Variants in REV3L observed in about 807,000 individuals in gnomAD.
REV3L encodes the protein DNA polymerase zeta catalytic subunit.
REV3L carries 69 observed loss-of-function variants against 299.4 expected under a neutral mutation model. The ratio of observed to expected loss-of-function variants is 0.23; its 90% CI spans 0.19 to 0.28. REV3L has a LOEUF of 0.28. REV3L is among the 10% of genes least tolerant of loss of function. The pLI, the probability that REV3L is intolerant of heterozygous loss-of-function variation, is 1.00. For missense variants in REV3L, 3,128 were observed against 3,693.8 expected (o/e 0.85, Z 3.97); for synonymous variants, 1,238 against 1,271.4 (o/e 0.97, Z 0.56).
chr6:111,448,020 G>A (rs1264105535), intron 1 of REV3L, among the ~76,000 whole-genome samples: 1 of 151,928 alleles, frequency 6.6e-6, no homozygotes, highest in African/African-American at 2.4e-5. Context: ...ATGAATCATG[G>A]AACACTATCA....
At chr6:111,471,409 A>G (rs543543007) in intron 1 of REV3L, among the ~76,000 whole-genome samples, 1 of 152,314 alleles carries the variant, frequency 6.6e-6, no homozygotes, top group East Asian at 1.9e-4. Flanking sequence ...AAAATCTCAT[A>G]CCACAATGTG....
chr6:111,300,639 A>C (rs1458759526), intron 31 of REV3L, among the ~76,000 whole-genome samples: 2 of 152,222 alleles, frequency 1.3e-5, no homozygotes, highest in African/African-American at 2.4e-5. Context: ...TCCCCAAATT[A>C]ATACTTTCAT....
At chr6:111,407,227 C>G (rs1783735683) in intron 3 of REV3L, among the ~76,000 whole-genome samples, 2 of 152,074 alleles carry the variant, frequency 1.3e-5, no homozygotes, top group African/African-American at 4.8e-5. Context: ...TGTTTAGAAG[C>G]TCTAGAGAGA....
intron 1 of REV3L, among the ~76,000 whole-genome samples, chr6:111,459,737 G>C (rs79403950): frequency 0.027 from 4,175 of 152,148 alleles, 79 homozygotes; most frequent in Admixed American, 0.066. Flanking sequence ...ATACCAGTCA[G>C]AATAGCTTTT....
At chr6:111,318,582 G>A (rs932325203) in intron 26 of REV3L, among the ~76,000 whole-genome samples, 1 of 151,470 alleles carries the variant, frequency 6.6e-6, no homozygotes, top group Non-Finnish European at 1.5e-5. Flanking sequence ...TTTTTTGTTT[G>A]TTTTTTGAGA....
chr6:111,439,394 G>A (rs1045369598), intron 1 of REV3L, among the ~76,000 whole-genome samples: 1 of 152,184 alleles, frequency 6.6e-6, no homozygotes, highest in Non-Finnish European at 1.5e-5. Context: ...TTGAAGATAA[G>A]GAACTTGGTG....
At chr6:111,408,526 C>T (rs763842651) in intron 3 of REV3L, among the ~76,000 whole-genome samples, 1 of 152,054 alleles carries the variant, frequency 6.6e-6, no homozygotes, top group Non-Finnish European at 1.5e-5. Context: ...ATTGCTTGAA[C>T]CTGGGAGGCG....
chr6:111,430,572 T>C (rs1222786286), intron 1 of REV3L: 3 of 1,566,722 alleles, frequency 1.9e-6, no homozygotes, highest in Non-Finnish European at 2.6e-6. Flanking sequence ...CATGGCTGAC[T>C]TGCAGAAAAC....
intron 4 of REV3L, among the ~76,000 whole-genome samples, chr6:111,404,907 A>C (rs1455134231): frequency 6.6e-6 from 1 of 152,158 alleles, no homozygotes; most frequent in Non-Finnish European, 1.5e-5. Flanking sequence ...AAGGATGTTC[A>C]GTGGTGGAGG....
intron 1 of REV3L, among the ~76,000 whole-genome samples, chr6:111,440,876 C>T (rs565459513): frequency 2.6e-4 from 39 of 152,268 alleles, no homozygotes; most frequent in African/African-American, 9.4e-4. Context: ...CAGAATAATT[C>T]GAGGTTGGTG....
At chr6:111,359,764 C>T (rs959359778) in intron 16 of REV3L, among the ~76,000 whole-genome samples, 1 of 151,896 alleles carries the variant, frequency 6.6e-6, no homozygotes, top group Admixed American at 6.6e-5. Context: ...AGAATTATAC[C>T]TCATCTTTTT....
Position 111,482,801 on chromosome 6 carries a change from C to T in REV3L, c.88G>A (p.Ala30Thr). 1 of 1,503,296 alleles carries T rather than the reference C, an allele frequency of 6.7e-7. No individual in the cohort carries two copies. The allele number at this position is 1,503,296 out of a possible 1,614,324, so 93.1% of individuals were successfully genotyped here. ...ACCACCGGCACCTTCTTGACAGGGG[C>T]CTGGGTGAGGGGGGATTGGCAGGTA... is the stretch of plus-strand genomic sequence containing the variant. The part of the protein sequence containing the change: ...LDTCQSPLTQ[A>T]PVKKVPVVRV... The change falls in exon 1 of 32, where the codon GCC becomes ACC. Residue 30 changes from alanine to threonine, a missense_variant. Physicochemically the swap from Ala to Thr is moderately conservative, Grantham distance 58. This residue lies in a region of REV3L where 48 missense variants were observed against 42.8 expected (regional missense o/e 1.12). Transcript: ENST00000368802.
At chr6:111,348,967 A>G (rs1012052503) in intron 20 of REV3L, 19 of 242,166 alleles carry the variant, frequency 7.8e-5, no homozygotes, top group African/African-American at 4.3e-4. Context: ...ATATTTTATT[A>G]TAGCTATAGA....
In REV3L at chr6:111,405,645, A is replaced by G. The variant is rs1229938117; in HGVS notation, c.405-15T>C. ...GTTCACATATCCTAAATTAGAAAAA[A>G]AAAGTTTTATCATAAAATTATGTTC... is the stretch of plus-strand genomic sequence containing the variant. On this transcript the variant is annotated splice_polypyrimidine_tract_variant and intron_variant, in intron 3 of 31. Transcript: ENST00000368802. The G allele has an allele frequency of 1.3e-6, 2 of 1,549,266 alleles. No individual in the cohort carries two copies. The highest frequency in any genetic ancestry group is 2.3e-5 in the East Asian group (1 of 43,690).
In REV3L at chr6:111,387,886, G is replaced by T; in HGVS notation, c.975C>A (p.Ser325Arg). The T allele has an allele frequency of 6.2e-7, 1 of 1,613,834 alleles. No individual in the cohort carries two copies. The highest frequency in any genetic ancestry group is 2.2e-5 in the East Asian group (1 of 44,836). Residue 325 changes from serine (S) to arginine (R), a missense_variant, in exon 9 of 32, where the codon AGC becomes AGA. Physicochemically the swap from Ser to Arg is moderately radical, Grantham distance 110 (BLOSUM62 -1). Transcript: ENST00000368802. ...SVTLSGSVDY[S>R]DGSQEFSAEL... is the part of the protein sequence containing the mutation. ...CAGCAGAGAACTCCTGGGATCCATC[G>T]CTGTAGTCCACAGATCCTGATAATG...
intron 1 of REV3L, among the ~76,000 whole-genome samples, chr6:111,434,851 G>A (rs1787365551): frequency 6.6e-6 from 1 of 152,138 alleles, no homozygotes; most frequent in South Asian, 2.1e-4. Context: ...AGAAATTAAA[G>A]AGGACACAGA....
At chr6:111,352,553 C>T (rs779554762) in intron 18 of REV3L, among the ~76,000 whole-genome samples, 33 of 152,098 alleles carry the variant, frequency 2.2e-4, no homozygotes, top group Non-Finnish European at 4.0e-4. Flanking sequence ...TGCCCTTAAA[C>T]AGTTTTAATG....
intron 14 of REV3L, among the ~76,000 whole-genome samples, chr6:111,365,938 G>T (rs753104856): frequency 6.6e-5 from 10 of 152,134 alleles, no homozygotes; most frequent in Non-Finnish European, 1.5e-4. Context: ...GATGATGACA[G>T]TTTGGCCTAA....
At chr6:111,332,618 G>A (rs1037456682) in intron 23 of REV3L, among the ~76,000 whole-genome samples, 6 of 151,906 alleles carry the variant, frequency 3.9e-5, no homozygotes, top group South Asian at 2.1e-4. Flanking sequence ...GGAAGACTCC[G>A]TTATTTCCTA....
Sources: allele counts gnomAD v4.1 joint callset (sites outside exome capture counted in the v4.1 genomes callset), GRCh38; gene constraint gnomAD v4.1.1; regional missense constraint gnomAD v4.1.1; transcripts MANE v1.5; gene names NCBI Gene and HGNC (gene_info 2026-07-23, HGNC 2026-07-21).